The following MIB1 variants were observed in gnomAD, a reference collection of about 807,000 sequenced individuals.
MIB1 encodes the protein E3 ubiquitin-protein ligase MIB1.
A neutral mutation model predicts 124.5 loss-of-function variants in MIB1; 278 were observed. The ratio of observed to expected loss-of-function variants is 2.23; its 90% CI spans 2.02 to 2.47. The LOEUF (loss-of-function observed/expected upper bound fraction) is 2.47. MIB1 is among the 30% of genes most tolerant of loss of function. MIB1 has a pLI of 0.00. For missense variants in MIB1, 957 were observed against 1,254.4 expected (o/e 0.76, Z 3.58); for synonymous variants, 446 against 429.4 (o/e 1.04, Z -0.48).
intron 1 of MIB1, among the ~76,000 whole-genome samples, chr18:21,724,727 A>AT (rs1555685678): frequency 4.0e-3 from 69 of 17,300 alleles, no homozygotes; most frequent in Non-Finnish European, 5.7e-3. Context: ...AAAAAAAAAA[A>AT]ATATATATAT....
chr18:21,852,071 A>G (rs550882146), intron 17 of MIB1, among the ~76,000 whole-genome samples: 9 of 152,324 alleles, frequency 5.9e-5, no homozygotes, highest in East Asian at 1.9e-4. Flanking sequence ...TACTTTATAC[A>G]TATCTGATTT....
chr18:21,821,677 C>T (rs1407943627), intron 12 of MIB1, among the ~76,000 whole-genome samples: 2 of 151,402 alleles, frequency 1.3e-5, no homozygotes, highest in African/African-American at 2.4e-5. Context: ...CGGCTCACTG[C>T]AAGCTCTGCC....
At chr18:21,782,880 C>T (rs982807298) in intron 6 of MIB1, among the ~76,000 whole-genome samples, 5 of 152,046 alleles carry the variant, frequency 3.3e-5, no homozygotes, top group African/African-American at 1.2e-4. Flanking sequence ...TTGAAATGTC[C>T]CCTACTGTTA....
upstream of MIB1, among the ~76,000 whole-genome samples, chr18:21,737,038 G>T (rs2040799622): frequency 6.6e-6 from 1 of 152,148 alleles, no homozygotes; most frequent in Admixed American, 6.5e-5. Flanking sequence ...TACTCCTCGA[G>T]AAGAGCAACC....
intron 12 of MIB1, chr18:21,827,869 A>G (rs1443511273): frequency 2.0e-5 from 3 of 152,004 alleles, no homozygotes; most frequent in African/African-American, 7.2e-5. Flanking sequence ...TTCTGATACA[A>G]AAAATTTAAA....
intron 1 of MIB1, among the ~76,000 whole-genome samples, chr18:21,764,611 A>G (rs2041134855): frequency 6.6e-6 from 1 of 152,214 alleles, no homozygotes; most frequent in South Asian, 2.1e-4. Flanking sequence ...CTAAATGGAT[A>G]CAAAGAGGAA....
intron 1 of MIB1, among the ~76,000 whole-genome samples, chr18:21,720,857 AGG>A (rs769608744): frequency 1.4e-4 from 22 of 152,162 alleles, no homozygotes; most frequent in Non-Finnish European, 2.8e-4. Flanking sequence ...TGAGAGGCTG[AGG>A]CAGGAGGATT....
chr18:21,792,170 C>T (rs1340788206), intron 7 of MIB1, among the ~76,000 whole-genome samples: 1 of 152,048 alleles, frequency 6.6e-6, no homozygotes, highest in Non-Finnish European at 1.5e-5. Context: ...ATGCTTCCTT[C>T]TTCTGTTTCC....
At chr18:21,759,805 A>G (rs916207868) in intron 1 of MIB1, among the ~76,000 whole-genome samples, 2 of 152,174 alleles carry the variant, frequency 1.3e-5, no homozygotes, top group Non-Finnish European at 2.9e-5. Flanking sequence ...TTCAGCCATC[A>G]TTTCTACCCA....
intron 3 of MIB1, 41 bp from the exon 4 acceptor site, chr18:21,773,583 C>G: frequency 7.7e-7 from 1 of 1,296,846 alleles, no homozygotes; most frequent in Non-Finnish European, 1.1e-6. Flanking sequence ...GCTCTTCCCT[C>G]CCCTTTAAAA....
intron 1 of MIB1, among the ~76,000 whole-genome samples, chr18:21,764,677 G>GT (rs2041135838): frequency 6.6e-6 from 1 of 151,522 alleles, no homozygotes; most frequent in South Asian, 2.1e-4. Context: ...GGCTAATCTT[G>GT]TTTTACCTAA....
At chr18:21,707,165 C>CT (rs1265023041) in intron 1 of MIB1, among the ~76,000 whole-genome samples, 2 of 152,316 alleles carry the variant, frequency 1.3e-5, no homozygotes, top group East Asian at 3.9e-4. Flanking sequence ...AGTCAGCACT[C>CT]TGTGTCTAGC....
Position 21,791,558 on chromosome 18 carries a change from G to A in MIB1, c.1092+1G>A, listed in dbSNP as rs776359369. ...AGAATGGGCTGAAGCGATGCTTCCAGTAAGTATGTTTAGAATAATTCTGGG... is the reference window on the plus strand; with the variant it reads ...AGAATGGGCTGAAGCGATGCTTCCAATAAGTATGTTTAGAATAATTCTGGG... On this transcript the variant is annotated splice_donor_variant, in intron 7 of 20. Coordinates refer to ENST00000261537, the MANE Select transcript of MIB1 (RefSeq NM_020774.4). LOFTEE classifies it high-confidence loss of function. 5 of 1,607,800 alleles carry A rather than the reference G, an allele frequency of 3.1e-6. No homozygotes were observed. Among genetic ancestry groups the A allele is most frequent in the East Asian group, 2.2e-5 (1 of 44,794 alleles).
chr18:21,781,873 T>C (rs2041372778), intron 6 of MIB1, among the ~76,000 whole-genome samples: 1 of 152,142 alleles, frequency 6.6e-6, no homozygotes, highest in South Asian at 2.1e-4. Flanking sequence ...CCATTTTTGT[T>C]TCTGATTTTA....
intron 1 of MIB1, among the ~76,000 whole-genome samples, chr18:21,747,213 C>T (rs2040921740): frequency 6.6e-6 from 1 of 152,134 alleles, no homozygotes; most frequent in Non-Finnish European, 1.5e-5. Flanking sequence ...TATTTTATTT[C>T]CTCCACTAAA....
chr18:21,714,268 T>G (rs1045915162), intron 1 of MIB1, among the ~76,000 whole-genome samples: 3 of 152,140 alleles, frequency 2.0e-5, no homozygotes, highest in Non-Finnish European at 4.4e-5. Flanking sequence ...TTGTGAATTG[T>G]TGGACTGGGA....
At chr18:21,735,454 T>C (rs2040792152) in intron 1 of MIB1, among the ~76,000 whole-genome samples, 1 of 151,680 alleles carries the variant, frequency 6.6e-6, no homozygotes, top group Non-Finnish European at 1.5e-5. Context: ...TTTGGGCAGA[T>C]ACTGAGCTAG....
At chr18:21,838,521 CCT>C (rs1162024645) in intron 13 of MIB1, 24 bp downstream of exon 13, 48 of 1,535,384 alleles carry the variant, frequency 3.1e-5, no homozygotes, top group Non-Finnish European at 4.0e-5. Flanking sequence ...TAAATAATTC[CCT>C]CTTTTTTATT....
chr18:21,735,266 C>T (rs1310932848), intron 1 of MIB1, among the ~76,000 whole-genome samples: 1 of 152,144 alleles, frequency 6.6e-6, no homozygotes, highest in East Asian at 1.9e-4. Context: ...CACAAGGGGT[C>T]AGTGGATCTC....
Sources: gnomAD v4.1 joint callset for allele counts (sites outside exome capture counted in the v4.1 genomes callset) on GRCh38, gnomAD v4.1.1 for gene constraint, MANE v1.5 for transcripts, NCBI Gene and HGNC (gene_info 2026-07-23, HGNC 2026-07-21) for gene names.